Variants in LINGO2 observed in about 807,000 individuals in gnomAD.
The protein encoded by LINGO2 is leucine rich repeat and Ig domain containing 2.
A neutral mutation model predicts 30.6 loss-of-function variants in LINGO2; 14 were observed. That is an observed-to-expected ratio of 0.46 (90% CI 0.30 to 0.72). LINGO2 has a LOEUF of 0.72. Among genes scored for constraint, LINGO2 ranks in the 30% least tolerant of loss-of-function variants. LINGO2 has a pLI of 0.07. For synonymous variants in LINGO2, 317 were observed against 288.5 expected, an observed-to-expected ratio of 1.10 and a Z score of -1.00; for missense variants, 729 against 751.7, an observed-to-expected ratio of 0.97 and a Z score of 0.35.
At chr9:28,780,912 T>C in the LINGO2 span, among the ~76,000 whole-genome samples, 1 of 150,564 alleles carries the variant, frequency 6.6e-6, no homozygotes, top group Non-Finnish European at 1.5e-5. Flanking sequence ...CCAGATTGGA[T>C]AGTGAATCAG....
intron 2 of LINGO2, among the ~76,000 whole-genome samples, chr9:28,420,624 T>C (rs1362773449): frequency 1.3e-5 from 2 of 152,210 alleles, no homozygotes; most frequent in Middle Eastern, 3.4e-3. Context: ...GATTTCTGTA[T>C]AGATACAGGT....
chr9:28,033,272 G>A (rs934827740), intron 4 of LINGO2, among the ~76,000 whole-genome samples: 12 of 152,144 alleles, frequency 7.9e-5, no homozygotes, highest in African/African-American at 2.7e-4. Flanking sequence ...AACTATACAT[G>A]TTACATTCCA....
At chr9:29,022,977 CA>C in the LINGO2 span, among the ~76,000 whole-genome samples, 602 of 133,018 alleles carry the variant, frequency 4.5e-3, no homozygotes, top group African/African-American at 6.4e-3. Flanking sequence ...CTCTTTGAGC[CA>C]AAAAAAAAAA....
At chr9:28,054,948 T>G (rs1824853465) in intron 4 of LINGO2, among the ~76,000 whole-genome samples, 1 of 152,232 alleles carries the variant, frequency 6.6e-6, no homozygotes, top group South Asian at 2.1e-4. Flanking sequence ...TACAGTCTTC[T>G]TTCCTCTTAA....
chr9:28,545,519 G>T (rs961701795), intron 1 of LINGO2, among the ~76,000 whole-genome samples: 7 of 151,986 alleles, frequency 4.6e-5, no homozygotes, highest in African/African-American at 1.7e-4. Flanking sequence ...ATAATATATG[G>T]GAAGGTACAA....
the LINGO2 span, among the ~76,000 whole-genome samples, chr9:28,822,541 T>C: frequency 6.6e-6 from 1 of 151,552 alleles, no homozygotes; most frequent in Non-Finnish European, 1.5e-5. Context: ...CTGCCTTTAA[T>C]CTGGGCGGAC....
intron 1 of LINGO2, among the ~76,000 whole-genome samples, chr9:28,614,145 G>A (rs561422817): frequency 2.0e-5 from 3 of 152,144 alleles, no homozygotes; most frequent in Admixed American, 6.5e-5. Context: ...GATATCTTAA[G>A]TCTGTATGTC....
chr9:28,412,011 T>C (rs997419225), intron 2 of LINGO2, among the ~76,000 whole-genome samples: 1 of 151,960 alleles, frequency 6.6e-6, no homozygotes, highest in African/African-American at 2.4e-5. Context: ...TGTATAATGG[T>C]GAAGTCTGGG....
At chr9:28,198,400 T>C (rs1456642889) in intron 4 of LINGO2, among the ~76,000 whole-genome samples, 1 of 152,170 alleles carries the variant, frequency 6.6e-6, no homozygotes, top group Non-Finnish European at 1.5e-5. Flanking sequence ...TATAGGAAAC[T>C]GTAGCAAGAG....
chr9:28,437,165 G>C (rs1237277131), intron 2 of LINGO2, among the ~76,000 whole-genome samples: 1 of 152,182 alleles, frequency 6.6e-6, no homozygotes, highest in African/African-American at 2.4e-5. Flanking sequence ...TCAATGTAGT[G>C]GTCACGATCC....
At chr9:28,728,695 T>C in the LINGO2 span, among the ~76,000 whole-genome samples, 1 of 151,840 alleles carries the variant, frequency 6.6e-6, no homozygotes, top group Non-Finnish European at 1.5e-5. Flanking sequence ...ATTAAAGATA[T>C]TTTTAAAAAT....
At chr9:28,909,114 A>C in the LINGO2 span, among the ~76,000 whole-genome samples, 1 of 151,922 alleles carries the variant, frequency 6.6e-6, no homozygotes, top group Non-Finnish European at 1.5e-5. Context: ...GTCTTTATGA[A>C]TTTTATCATT....
At chr9:28,492,249 G>A (rs2135271925) in intron 1 of LINGO2, among the ~76,000 whole-genome samples, 1 of 152,248 alleles carries the variant, frequency 6.6e-6, no homozygotes, top group South Asian at 2.1e-4. Flanking sequence ...AACAATGTCT[G>A]ATCAATTTGT....
At chr9:29,133,615 A>G in the LINGO2 span, among the ~76,000 whole-genome samples, 1 of 152,100 alleles carries the variant, frequency 6.6e-6, no homozygotes, top group East Asian at 1.9e-4. Flanking sequence ...GCAAAATTTC[A>G]AAGAAATAGT....
At chr9:28,734,315 C>T in the LINGO2 span, among the ~76,000 whole-genome samples, 13 of 152,088 alleles carry the variant, frequency 8.5e-5, no homozygotes, top group African/African-American at 1.9e-4. Flanking sequence ...ACATCCCAGG[C>T]GGGACAAAGT....
chr9:28,933,270 T>C, the LINGO2 span, among the ~76,000 whole-genome samples: 1 of 152,162 alleles, frequency 6.6e-6, no homozygotes, highest in Middle Eastern at 3.2e-3. Context: ...AAATATAATT[T>C]TCAACATATC....
chr9:28,718,682 T>A, the LINGO2 span, among the ~76,000 whole-genome samples: 1 of 152,052 alleles, frequency 6.6e-6, no homozygotes, highest in Admixed American at 6.6e-5. Flanking sequence ...ATTTTTTATT[T>A]CTTTTAAAAT....
At chr9:28,982,138 A>C in the LINGO2 span, among the ~76,000 whole-genome samples, 28,520 of 152,024 alleles carry the variant, frequency 0.19, 2,836 homozygotes, top group East Asian at 0.28. Flanking sequence ...CAAATTTCTA[A>C]ACATCATCCT....
chr9:28,988,521 T>C, the LINGO2 span, among the ~76,000 whole-genome samples: 6 of 152,160 alleles, frequency 3.9e-5, no homozygotes, highest in African/African-American at 9.7e-5. Flanking sequence ...ATTTAATCCA[T>C]CTACACTCAC....
Sources: allele counts gnomAD v4.1 joint callset (sites outside exome capture counted in the v4.1 genomes callset), GRCh38; gene constraint gnomAD v4.1.1; transcripts MANE v1.5; gene names NCBI Gene and HGNC (gene_info 2026-07-23, HGNC 2026-07-21).